The following ZNF141 variants were observed in gnomAD, a reference collection of about 807,000 sequenced individuals.
ZNF141 encodes zinc finger protein 141.
ZNF141 carries 7 observed loss-of-function variants against 11.3 expected under a neutral mutation model. The observed-to-expected ratio is 0.62, with a 90% confidence interval of 0.35 to 1.16. ZNF141 has a LOEUF of 1.16. ZNF141 is among the 50% of genes most tolerant of loss of function. The pLI, the probability that ZNF141 is intolerant of heterozygous loss-of-function variation, is 0.02. For missense variants in ZNF141, 535 were observed against 554.0 expected (o/e 0.97, Z 0.34); for synonymous variants, 183 against 190.7 (o/e 0.96, Z 0.33).
chr4:348,326 C>G (rs1351890979), intron 3 of ZNF141, among the ~76,000 whole-genome samples: 1 of 152,028 alleles, frequency 6.6e-6, no homozygotes, highest in Non-Finnish European at 1.5e-5. Flanking sequence ...ATTGCCGAGA[C>G]CAATATCAAC....
In ZNF141 at chr4:379,588, T is replaced by A. The variant is rs1357858227; in HGVS notation, c.*5726T>A. ...TGCGGTTTGACTATGTTGGCCAGGCTGGTCTCAAACTCCTGACCCTGTGAT... is the reference window on the plus strand; with the variant it reads ...TGCGGTTTGACTATGTTGGCCAGGCAGGTCTCAAACTCCTGACCCTGTGAT... On this transcript the variant is annotated 3_prime_UTR_variant, in exon 4 of 4. Coordinates refer to ENST00000240499, the MANE Select transcript of ZNF141 (RefSeq NM_003441.4). Among the ~76,000 whole-genome samples the A allele has an allele frequency of 6.6e-6, 1 of 152,134 alleles. No homozygotes were observed.
intron 3 of ZNF141, among the ~76,000 whole-genome samples, chr4:355,927 C>T (rs73066326): frequency 0.042 from 6,457 of 152,090 alleles, 314 homozygotes; most frequent in African/African-American, 0.12. Context: ...TGATGACTAA[C>T]GCACTCTTAG....
Position 369,750 on chromosome 4 carries a change from A to T in ZNF141, c.227-2914A>T, listed in dbSNP as rs1711939558. ...ATTTCTTAAAGAGATATATATATAT[A>T]TATATATATATATATTTTTTTTTTT... On this transcript the variant is annotated intron_variant, in intron 3 of 3. Transcript: ENST00000240499. 3.1e-4 allele frequency among the ~76,000 whole-genome samples: 11 copies of T among 35,192 alleles called. 1 individual carries two copies. The highest frequency in any genetic ancestry group is 1.5e-3 in the African/African-American group (11 of 7,396). The allele number at this position is 35,192 out of a possible 152,430, so 23.1% of individuals were successfully genotyped here.
At chr4:354,657 T>C (rs1453818015) in intron 3 of ZNF141, among the ~76,000 whole-genome samples, 1 of 152,082 alleles carries the variant, frequency 6.6e-6, no homozygotes, top group Non-Finnish European at 1.5e-5. Context: ...GTTGGTTTAT[T>C]TGAGATTTTT....
chr4:362,051 CTT>C (rs1711522051), intron 3 of ZNF141, among the ~76,000 whole-genome samples: 4 of 152,172 alleles, frequency 2.6e-5, no homozygotes, highest in Non-Finnish European at 5.9e-5. Context: ...TGTTTCCTGA[CTT>C]TTTAATGATT....
At chr4:356,059 C>T (rs1721824722) in intron 3 of ZNF141, among the ~76,000 whole-genome samples, 1 of 151,752 alleles carries the variant, frequency 6.6e-6, no homozygotes, top group East Asian at 2.0e-4. Context: ...GTGAAACCCC[C>T]ATCTCTACTA....
intron 3 of ZNF141, among the ~76,000 whole-genome samples, chr4:354,444 T>C (rs1721754845): frequency 6.6e-6 from 1 of 152,210 alleles, no homozygotes; most frequent in South Asian, 2.1e-4. Flanking sequence ...ATCCTCACAT[T>C]GGAAAATAAA....
At chr4:369,792 A>G (rs1439112351) in intron 3 of ZNF141, among the ~76,000 whole-genome samples, 2 of 62,988 alleles carry the variant, frequency 3.2e-5, no homozygotes, top group Non-Finnish European at 5.0e-5. Flanking sequence ...TTTGAGAGGG[A>G]GTCTCACTGT....
chr4:366,285 T>C (rs576165768), intron 3 of ZNF141, among the ~76,000 whole-genome samples: 4 of 152,326 alleles, frequency 2.6e-5, no homozygotes, highest in South Asian at 4.1e-4. Flanking sequence ...AATTTTTATG[T>C]CTTTTTCAGT....
In ZNF141 at chr4:375,527, TAGAA is replaced by T. The variant is rs781978223; in HGVS notation, c.*1670_*1673del. 3.3e-5 allele frequency among the ~76,000 whole-genome samples: 5 copies of T among 152,036 alleles called. No individual in the cohort carries two copies. The highest frequency in any genetic ancestry group is 4.4e-5 in the Non-Finnish European group (3 of 67,916). ...TATGTAAACATCAGAGGATTTACAGTAGAAAGAACTAAGGAACTAACACTTTAGA... is the reference window on the plus strand; with the variant it reads ...TATGTAAACATCAGAGGATTTACAGTAGAACTAAGGAACTAACACTTTAGA... On this transcript the variant is annotated 3_prime_UTR_variant, in exon 4 of 4. Transcript: ENST00000240499.
At position 373,934 on chromosome 4, in the gene ZNF141, A is replaced by G; in HGVS notation, c.*72A>G. The G allele has an allele frequency of 1.5e-6, 2 of 1,329,268 alleles. No homozygotes were observed. The highest frequency in any genetic ancestry group is 2.1e-6 in the Non-Finnish European group (2 of 959,468). 82.3% of individuals were successfully genotyped at this position (1,329,268 alleles called of 1,614,324 possible). A position where few individuals can be genotyped will look rare whatever the true frequency, so the allele number is the denominator to read the frequency against. ...CACAAACCTTAATGAACATGAGAAA[A>G]TTTATACTGTAGAGAAACCCTGGAA... On this transcript the variant is annotated 3_prime_UTR_variant, in exon 4 of 4. Transcript: ENST00000240499.
At chr4:341,043 T>A (rs1553848372) in intron 1 of ZNF141, among the ~76,000 whole-genome samples, 1 of 151,744 alleles carries the variant, frequency 6.6e-6, no homozygotes, top group African/African-American at 2.4e-5. Context: ...TACCCCACCT[T>A]TTTCCTTTTA....
At chr4:353,461 T>C (rs1298707474) in intron 3 of ZNF141, among the ~76,000 whole-genome samples, 2 of 116,126 alleles carry the variant, frequency 1.7e-5, no homozygotes, top group Non-Finnish European at 3.5e-5. Context: ...ATTATTATTA[T>C]TATTATTTTT....
chr4:365,003 G>A (rs1162578151), intron 3 of ZNF141, among the ~76,000 whole-genome samples: 9 of 152,206 alleles, frequency 5.9e-5, no homozygotes, highest in African/African-American at 2.2e-4. Context: ...AAGCTTCCCT[G>A]GCTGCTTTGT....
At chr4:339,923 T>G (rs1167438947) in intron 1 of ZNF141, among the ~76,000 whole-genome samples, 2 of 152,246 alleles carry the variant, frequency 1.3e-5, no homozygotes, top group African/African-American at 4.8e-5. Context: ...GAAACCCGGA[T>G]GACCTCCCAA....
At position 374,004 on chromosome 4, in the gene ZNF141, GATAAAC is replaced by G. The variant is rs1167516456; in HGVS notation, c.*147_*152del. ...GTTCTTTACCTCATTCTCAAACCTT[GATAAAC>G]ATAAGAGAATTCATACCGGAGAGAA... On this transcript the variant is annotated 3_prime_UTR_variant, in exon 4 of 4. Coordinates refer to ENST00000240499, the MANE Select transcript of ZNF141 (RefSeq NM_003441.4). 1.2e-5 allele frequency: 9 copies of G among 749,568 alleles called. No individual in the cohort carries two copies. In the East Asian group the frequency reaches 1.2e-4, roughly 10 times the overall value. The allele number at this position is 749,568 out of a possible 1,614,324, so 46.4% of individuals were successfully genotyped here. A position where few individuals can be genotyped will look rare whatever the true frequency, so the allele number is the denominator to read the frequency against.
chr4:346,894 C>CACACACA lies in ZNF141; in HGVS notation c.226+2464_226+2465insACACACA, dbSNP rs1553849669. Among the ~76,000 whole-genome samples, 13 of 81,402 alleles carry CACACACA rather than the reference C, an allele frequency of 1.6e-4. 1 individual carries two copies. Among genetic ancestry groups the CACACACA allele is most frequent in the African/African-American group, 3.5e-4 (7 of 19,864 alleles). The allele number at this position is 81,402 out of a possible 152,430, so 53.4% of individuals were successfully genotyped here. ...ATATATGTATACACACACACACACA[C>CACACACA]CGCCCCCCCCATATATTGGCTACTG... is the stretch of plus-strand genomic sequence containing the variant. On this transcript the variant is annotated intron_variant, in intron 3 of 3. Coordinates refer to ENST00000240499, the MANE Select transcript of ZNF141 (RefSeq NM_003441.4).
Position 379,455 on chromosome 4 carries a change from A to C in ZNF141, c.*5593A>C, listed in dbSNP as rs368970463. On this transcript the variant is annotated 3_prime_UTR_variant, in exon 4 of 4. Transcript: ENST00000240499. Reference sequence around the variant, plus strand: ...AGTGGTGCGATCTCAGCTCACTGCAACCTCCGCCTCTCAGGTTCAGGCGAT... The same window carrying C: ...AGTGGTGCGATCTCAGCTCACTGCACCCTCCGCCTCTCAGGTTCAGGCGAT... Among the ~76,000 whole-genome samples, 2 of 151,970 alleles carry C rather than the reference A, an allele frequency of 1.3e-5. No homozygotes were observed. Among genetic ancestry groups the C allele is most frequent in the South Asian group, 4.2e-4 (2 of 4,802 alleles).
chr4:347,969 C>T (rs961519824), intron 3 of ZNF141, among the ~76,000 whole-genome samples: 3 of 151,762 alleles, frequency 2.0e-5, no homozygotes, highest in Non-Finnish European at 4.4e-5. Context: ...CTCAGCCTCC[C>T]GAGTAGCTGG....
Sources: gnomAD v4.1 joint callset for allele counts (sites outside exome capture counted in the v4.1 genomes callset) on GRCh38, gnomAD v4.1.1 for gene constraint, MANE v1.5 for transcripts, NCBI Gene and HGNC (gene_info 2026-07-23, HGNC 2026-07-21) for gene names.